The following EIF2AK1 variants were observed in gnomAD, a reference collection of about 807,000 sequenced individuals.
The protein encoded by EIF2AK1 is eukaryotic translation initiation factor 2-alpha kinase 1.
EIF2AK1 carries 54 observed loss-of-function variants against 77.9 expected under a neutral mutation model. The observed-to-expected ratio is 0.69, with a 90% CI of 0.56 to 0.87. The LOEUF (loss-of-function observed/expected upper bound fraction) is 0.87, where lower values mean the gene tolerates loss of function less well. EIF2AK1 is among the 40% of genes least tolerant of loss of function. The probability of loss-of-function intolerance (pLI) is 0.00; values close to 1 mark genes in which losing one functional copy is unlikely to be tolerated. For synonymous variants in EIF2AK1, 314 were observed against 290.5 expected (o/e 1.08, Z -0.82); for missense variants, 810 against 768.6 (o/e 1.05, Z -0.64).
In EIF2AK1 at chr7:6,058,855, G is replaced by C. The variant is rs1788870713; in HGVS notation, c.118+111C>G. On this transcript the variant is annotated intron_variant, in intron 1 of 14. Transcript: ENST00000199389. The stretch of plus-strand genomic sequence containing the variant: ...GCTGGGCCGCCGGTTCAACCCTGGA[G>C]GCAGCCAAAGTCGCCCAGGTCCTCA... The C allele has an allele frequency of 9.2e-6, 9 of 979,222 alleles. 1 individual carries two copies. Among genetic ancestry groups the C allele is most frequent in the Non-Finnish European group, 1.3e-5 (9 of 703,160 alleles). The allele number at this position is 979,222 out of a possible 1,614,324, so 60.7% of individuals were successfully genotyped here.
intron 11 of EIF2AK1, among the ~76,000 whole-genome samples, chr7:6,029,876 G>T (rs1280581400): frequency 6.6e-6 from 1 of 151,894 alleles, no homozygotes; most frequent in Non-Finnish European, 1.5e-5. Flanking sequence ...CCAGCTACTC[G>T]GGAGGCTGAG....
intron 1 of EIF2AK1, chr7:6,058,237 A>C (rs559842): frequency 0.66 from 287,227 of 436,718 alleles, 95,152 homozygotes; most frequent in East Asian, 0.86. Flanking sequence ...CAGCAAGACC[A>C]CATCTCTGCA....
Position 6,033,543 on chromosome 7 carries a change from A to C in EIF2AK1, c.1332+3881T>G, listed in dbSNP as rs1406107352. Among the ~76,000 whole-genome samples the C allele has an allele frequency of 6.6e-6, 1 of 152,146 alleles. No homozygotes were observed. Among genetic ancestry groups the C allele is most frequent in the African/African-American group, 2.4e-5 (1 of 41,434 alleles). ...GGCCTTCAATAAGTTTAACCACCAA[A>C]GTTAGGTGTGAAAAATAAAATATAG... On this transcript the variant is annotated intron_variant, in intron 11 of 14. Coordinates refer to ENST00000199389, the MANE Select transcript of EIF2AK1 (RefSeq NM_014413.4). The surrounding 1 kb of genome is among the most constrained non-coding windows in gnomAD (Gnocchi z 4.4).
intron 2 of EIF2AK1, among the ~76,000 whole-genome samples, chr7:6,053,423 G>A (rs1022858539): frequency 2.6e-5 from 4 of 152,138 alleles, no homozygotes; most frequent in South Asian, 2.1e-4. Flanking sequence ...GTGCAATGGC[G>A]CGATCTCAGC....
Position 6,049,794 on chromosome 7 carries a change from G to C in EIF2AK1, c.411+118C>G, listed in dbSNP as rs1011042606. ...GAGCCACACCACCATGCCTGGCCTA[G>C]AGTTTATACTTTTAAAAACTTGTTT... On this transcript the variant is annotated intron_variant, in intron 3 of 14. Transcript: ENST00000199389. 7.9e-6 allele frequency: 8 copies of C among 1,013,412 alleles called. No individual in the cohort carries two copies. In the African/African-American group the frequency reaches 9.9e-5, roughly 13 times the overall value. The allele number at this position is 1,013,412 out of a possible 1,614,324, so 62.8% of individuals were successfully genotyped here.
At chr7:6,038,114 G>C (rs894029588) in intron 10 of EIF2AK1, among the ~76,000 whole-genome samples, 1 of 152,094 alleles carries the variant, frequency 6.6e-6, no homozygotes, top group African/African-American at 2.4e-5. Context: ...AGGTTTTACA[G>C]GACTAACACA....
In EIF2AK1 at chr7:6,036,238, CG is replaced by C. The variant is rs770327789; in HGVS notation, c.1332+1185del. ...TTAAGGGACACCCTAATAAAGCAATCGCAAAAACCTTTATCCCTACAGGGTA... is the reference window on the plus strand; with the variant it reads ...TTAAGGGACACCCTAATAAAGCAATCCAAAAACCTTTATCCCTACAGGGTA... On this transcript the variant is annotated intron_variant, in intron 11 of 14. Coordinates refer to ENST00000199389, the MANE Select transcript of EIF2AK1 (RefSeq NM_014413.4). The surrounding 1 kb of genome is among the most constrained non-coding windows in gnomAD (Gnocchi z 4.6). 3.2e-6 allele frequency: 5 copies of C among 1,549,446 alleles called. No homozygotes were observed. The South Asian group carries it at 6.0e-5, about 18-fold the overall frequency.
At position 6,058,210 on chromosome 7, in the gene EIF2AK1, G is replaced by A. The variant is rs1158159622; in HGVS notation, c.118+756C>T. ...GAATCGCTTGAGGCCAGGCGTTCGA[G>A]ACCAGCCTGGGAAACACAGCAAGAC... On this transcript the variant is annotated intron_variant, in intron 1 of 14. Coordinates refer to ENST00000199389, the MANE Select transcript of EIF2AK1 (RefSeq NM_014413.4). The A allele has an allele frequency of 1.5e-5, 7 of 452,696 alleles. No homozygotes were observed. In the Admixed American group the frequency reaches 1.7e-4, roughly 11 times the overall value. 28.0% of individuals were successfully genotyped at this position (452,696 alleles called of 1,614,324 possible).
At chr7:6,028,840 T>C in intron 12 of EIF2AK1, 78 bp downstream of exon 12, 1 of 1,454,162 alleles carries the variant, frequency 6.9e-7, no homozygotes, top group Non-Finnish European at 9.5e-7. Flanking sequence ...TAAATCTTTA[T>C]GATTCTCTTT....
chr7:6,056,224 T>A (rs1419922346), intron 1 of EIF2AK1, among the ~76,000 whole-genome samples: 1 of 111,236 alleles, frequency 9.0e-6, no homozygotes, highest in Non-Finnish European at 1.7e-5. Flanking sequence ...ACCCAGGAGG[T>A]GGAGGTTGCA....
At chr7:6,034,094 G>A (rs1403660451) in intron 11 of EIF2AK1, among the ~76,000 whole-genome samples, 1 of 151,438 alleles carries the variant, frequency 6.6e-6, no homozygotes, top group Non-Finnish European at 1.5e-5. Context: ...GAGGTGGGTG[G>A]ATCATGAGGT....
chr7:6,058,158 C>T (rs1486760504), intron 1 of EIF2AK1: 1 of 455,490 alleles, frequency 2.2e-6, no homozygotes, highest in East Asian at 6.9e-5. Context: ...ATCTATAATC[C>T]CAGCATTTTG....
intron 1 of EIF2AK1, 138 bp downstream of exon 1, chr7:6,058,828 C>T (rs560943052): frequency 7.3e-6 from 5 of 685,736 alleles, no homozygotes; most frequent in East Asian, 3.4e-5. Context: ...TCGCACTGCG[C>T]GGCTGGGCCG....
intron 14 of EIF2AK1, 34 bp from the exon 15 acceptor site, chr7:6,024,835 A>G (rs762726283): frequency 7.7e-6 from 11 of 1,424,560 alleles, no homozygotes; most frequent in African/African-American, 1.5e-5. Flanking sequence ...CTCCATTAAA[A>G]TAACTTTTTT....
intron 2 of EIF2AK1, among the ~76,000 whole-genome samples, chr7:6,053,647 G>C (rs867652453): frequency 3.4e-5 from 5 of 146,468 alleles, no homozygotes; most frequent in Admixed American, 2.1e-4. Flanking sequence ...ACAGGCGTGA[G>C]CCACCGCGCC....
chr7:6,024,895 G>A, intron 14 of EIF2AK1, 94 bp from the exon 15 acceptor site: 1 of 997,166 alleles, frequency 1.0e-6, no homozygotes, highest in Non-Finnish European at 1.4e-6. Flanking sequence ...CTGGAGTACA[G>A]TGGCATGATC....
In EIF2AK1 at chr7:6,056,628, A is replaced by ATATATATATATATATATATATATG. The variant is rs749747260; in HGVS notation, c.119-1925_119-1924insCATATATATATATATATATATATA. On this transcript the variant is annotated intron_variant, in intron 1 of 14. Transcript: ENST00000199389. ...AAAAAAAAAAAATATATATATATAT[A>ATATATATATATATATATATATATG]TATATATAAACTCTGTCTGGACATT... 1.0e-2 allele frequency among the ~76,000 whole-genome samples: 749 copies of ATATATATATATATATATATATATG among 75,002 alleles called. 17 individuals are homozygous for ATATATATATATATATATATATATG. Among genetic ancestry groups the ATATATATATATATATATATATATG allele is most frequent in the Middle Eastern group, 0.015 (2 of 132 alleles). The allele number at this position is 75,002 out of a possible 152,430, so 49.2% of individuals were successfully genotyped here. A position where few individuals can be genotyped will look rare whatever the true frequency, so the allele number is the denominator to read the frequency against.
At chr7:6,030,722 C>T (rs1354952950) in intron 11 of EIF2AK1, among the ~76,000 whole-genome samples, 1 of 152,182 alleles carries the variant, frequency 6.6e-6, no homozygotes, top group Non-Finnish European at 1.5e-5. Context: ...TGGTCTTGAT[C>T]TCTTGACCTC....
intron 11 of EIF2AK1, among the ~76,000 whole-genome samples, chr7:6,031,813 TG>T (rs1787920745): frequency 6.6e-6 from 1 of 152,186 alleles, no homozygotes. Context: ...CCTGTGTGAC[TG>T]GAAGACCATT....
Sources: gnomAD v4.1 joint callset for allele counts (sites outside exome capture counted in the v4.1 genomes callset) on GRCh38, gnomAD v4.1.1 for gene constraint, Gnocchi (gnomAD v3.1) non-coding constraint, MANE v1.5 for transcripts, NCBI Gene and HGNC (gene_info 2026-07-23, HGNC 2026-07-21) for gene names.